The following IRAK1BP1 variants were observed in gnomAD, a reference collection of about 807,000 sequenced individuals.
IRAK1BP1 encodes the protein interleukin 1 receptor associated kinase 1 binding protein 1, also known as interleukin-1 receptor-associated kinase 1-binding protein 1.
A neutral mutation model predicts 28.0 loss-of-function variants in IRAK1BP1; 24 were observed. That is an observed-to-expected ratio of 0.86 (90% CI 0.62 to 1.20). The LOEUF (loss-of-function observed/expected upper bound fraction) is 1.20, where lower values mean the gene tolerates loss of function less well. IRAK1BP1 is among the 50% of genes most tolerant of loss of function. IRAK1BP1 has a pLI of 0.00. For synonymous variants in IRAK1BP1, 131 were observed against 116.3 expected, an observed-to-expected ratio of 1.13 and a Z score of -0.81; for missense variants, 336 against 316.7, an observed-to-expected ratio of 1.06 and a Z score of -0.46.
chr6:78,909,223 T>C (rs1772341273), intron 4 of IRAK1BP1, among the ~76,000 whole-genome samples: 2 of 152,218 alleles, frequency 1.3e-5, no homozygotes, highest in Admixed American at 1.3e-4. Context: ...CCTCCACTTA[T>C]GGCAGGAATA....
intron 4 of IRAK1BP1, among the ~76,000 whole-genome samples, chr6:78,908,686 C>T (rs1232010855): frequency 6.6e-6 from 1 of 152,172 alleles, no homozygotes; most frequent in Non-Finnish European, 1.5e-5. Flanking sequence ...CTACATATTG[C>T]TAGCGTGTGC....
intron 4 of IRAK1BP1, among the ~76,000 whole-genome samples, chr6:78,926,913 G>T (rs963837795): frequency 6.6e-6 from 1 of 152,066 alleles, no homozygotes; most frequent in African/African-American, 2.4e-5. Flanking sequence ...ACTCCATTGT[G>T]TATATGTACC....
downstream of IRAK1BP1, among the ~76,000 whole-genome samples, chr6:78,903,619 A>G (rs1772179444): frequency 1.3e-5 from 2 of 152,058 alleles, no homozygotes; most frequent in Admixed American, 6.6e-5. Context: ...TGAAAGTTCT[A>G]ATCTAAAATG....
intron 2 of IRAK1BP1, among the ~76,000 whole-genome samples, chr6:78,895,180 A>G (rs1771834819): frequency 6.6e-6 from 1 of 152,176 alleles, no homozygotes; most frequent in East Asian, 1.9e-4. Flanking sequence ...ATTAAAAACC[A>G]GTAATAGAAG....
the IRAK1BP1 span, chr6:78,978,826 T>A: frequency 1.3e-6 from 1 of 793,698 alleles, no homozygotes; most frequent in Non-Finnish European, 1.9e-6. Flanking sequence ...GGCACCATTG[T>A]ACAATATTAT....
At chr6:78,977,555 C>G in the IRAK1BP1 span, among the ~76,000 whole-genome samples, 1 of 150,440 alleles carries the variant, frequency 6.6e-6, no homozygotes, top group Non-Finnish European at 1.5e-5. Context: ...TTGTCTGGAA[C>G]TTTAAATGAT....
intron 4 of IRAK1BP1, among the ~76,000 whole-genome samples, chr6:78,931,155 C>A (rs1773036453): frequency 6.6e-6 from 1 of 151,976 alleles, no homozygotes; most frequent in South Asian, 2.1e-4. Flanking sequence ...AATCTTAGCA[C>A]ATTGGAAGGC....
chr6:78,940,881 T>C (rs1773467006), intron 4 of IRAK1BP1: 1 of 1,613,898 alleles, frequency 6.2e-7, no homozygotes, highest in South Asian at 1.1e-5. Flanking sequence ...TCAGAGCCTT[T>C]GAGTTCTTCA....
intron 4 of IRAK1BP1, among the ~76,000 whole-genome samples, chr6:78,914,068 T>C (rs1338365652): frequency 6.6e-6 from 1 of 152,208 alleles, no homozygotes; most frequent in South Asian, 2.1e-4. Flanking sequence ...ACTTGTAATA[T>C]AGATCATTTT....
rs759107896 is a variant in IRAK1BP1, at chr6:78,898,299, G to A, written c.748G>A (p.Val250Ile). 3.1e-6 allele frequency: 5 copies of A among 1,598,558 alleles called. No homozygotes were observed. The African/African-American group carries it at 6.7e-5, about 22-fold the overall frequency. Residue 250 changes from valine to isoleucine, a missense_variant, in exon 4 of 4, where the codon GTA becomes ATA. Physicochemically the swap from Val to Ile is conservative, Grantham distance 29 (BLOSUM62 3). Coordinates refer to ENST00000369940, the MANE Select transcript of IRAK1BP1 (RefSeq NM_001010844.4). ...AASKVFITFE[V>I]KGKEKRKKHL ...TTCAAAAGTATTTATAACTTTTGAGGTAAAGGGAAAAGAGAAGAGAAAAAA... is the reference window on the plus strand; with the variant it reads ...TTCAAAAGTATTTATAACTTTTGAGATAAAGGGAAAAGAGAAGAGAAAAAA...
In IRAK1BP1 at chr6:78,901,575, A is replaced by G. The variant is rs911530784; in HGVS notation, c.*3241A>G. 2.6e-5 allele frequency: 4 copies of G among 151,980 alleles called. No individual in the cohort carries two copies. Among genetic ancestry groups the G allele is most frequent in the East Asian group, 1.9e-4 (1 of 5,188 alleles). 9.4% of individuals were successfully genotyped at this position (151,980 alleles called of 1,614,324 possible). On this transcript the variant is annotated 3_prime_UTR_variant, in exon 4 of 4. Coordinates refer to ENST00000369940, the MANE Select transcript of IRAK1BP1 (RefSeq NM_001010844.4). ...CAGAAAGTAGGAAGTTATAATTTCTATTTTCTGAAAGACAAACAAAAATTC... is the reference window on the plus strand; with the variant it reads ...CAGAAAGTAGGAAGTTATAATTTCTGTTTTCTGAAAGACAAACAAAAATTC...
chr6:78,945,182 A>G, intron 4 of IRAK1BP1: 2 of 720,386 alleles, frequency 2.8e-6, no homozygotes, highest in Non-Finnish European at 4.9e-6. Flanking sequence ...ATCAACTAAT[A>G]CAGATGTGTG....
the IRAK1BP1 span, among the ~76,000 whole-genome samples, chr6:78,977,094 T>C: frequency 1.5e-5 from 2 of 133,564 alleles, no homozygotes; most frequent in Admixed American, 7.7e-5. Context: ...TATTGTGGCA[T>C]TATTCACAAT....
chr6:78,972,692 T>C, the IRAK1BP1 span, among the ~76,000 whole-genome samples: 145 of 152,232 alleles, frequency 9.5e-4, 1 homozygote, highest in South Asian at 7.7e-3. Context: ...AAGGAGCTGA[T>C]AGAGCTGAAA....
At chr6:78,908,925 CCTT>C (rs1183530830) in intron 4 of IRAK1BP1, among the ~76,000 whole-genome samples, 1 of 152,154 alleles carries the variant, frequency 6.6e-6, no homozygotes, top group Non-Finnish European at 1.5e-5. Context: ...TCTGGGCCCA[CCTT>C]CTGTCTAATC....
At chr6:78,963,300 A>G in the IRAK1BP1 span, 5 of 1,468,580 alleles carry the variant, frequency 3.4e-6, no homozygotes, top group Non-Finnish European at 2.8e-6. Context: ...ACTTATTAGT[A>G]TTCAGGTTAG....
At chr6:78,882,015 A>G (rs1414315660) in intron 1 of IRAK1BP1, among the ~76,000 whole-genome samples, 2 of 152,132 alleles carry the variant, frequency 1.3e-5, no homozygotes, top group African/African-American at 2.4e-5. Context: ...GTGCGTATAT[A>G]TATGTCTATG....
chr6:78,870,995 C>T (rs140162253), intron 1 of IRAK1BP1, among the ~76,000 whole-genome samples: 6 of 152,212 alleles, frequency 3.9e-5, no homozygotes, highest in African/African-American at 1.4e-4. Flanking sequence ...TGAGCCACTG[C>T]GCCTGGCCCA....
intron 1 of IRAK1BP1, among the ~76,000 whole-genome samples, chr6:78,870,902 G>A (rs1419202427): frequency 1.3e-5 from 2 of 151,934 alleles, no homozygotes; most frequent in South Asian, 2.1e-4. Context: ...GTAGAGATGG[G>A]GTTTCACTGT....
Sources: allele counts gnomAD v4.1 joint callset (sites outside exome capture counted in the v4.1 genomes callset), GRCh38; gene constraint gnomAD v4.1.1; transcripts MANE v1.5; gene names NCBI Gene and HGNC (gene_info 2026-07-23, HGNC 2026-07-21).